The following LINGO2 variants were observed in gnomAD, a reference collection of about 807,000 sequenced individuals.
LINGO2 encodes the protein leucine-rich repeat and immunoglobulin-like domain-containing nogo receptor-interacting protein 2.
In LINGO2, 14 loss-of-function variants were observed where a neutral mutation model predicts 30.6. That is an observed-to-expected ratio of 0.46 (90% CI 0.30 to 0.72). LINGO2 has a LOEUF of 0.72. Among genes scored for constraint, LINGO2 ranks in the 30% least tolerant of loss-of-function variants. LINGO2 has a pLI of 0.07. For missense variants in LINGO2, 729 were observed against 751.7 expected (o/e 0.97, Z 0.35); for synonymous variants, 317 against 288.5 (o/e 1.10, Z -1.00).
At chr9:28,051,495 TC>T (rs201643631) in intron 4 of LINGO2, among the ~76,000 whole-genome samples, 4,685 of 152,140 alleles carry the variant, frequency 0.031, 117 homozygotes, top group Admixed American at 0.079. Flanking sequence ...CATATATTTA[TC>T]CAAAAAATTT....
At chr9:28,550,367 T>C (rs909123763) in intron 1 of LINGO2, among the ~76,000 whole-genome samples, 3 of 151,896 alleles carry the variant, frequency 2.0e-5, no homozygotes, top group African/African-American at 7.2e-5. Context: ...AAAGTACTGA[T>C]TCTTTCTTCA....
intron 5 of LINGO2, among the ~76,000 whole-genome samples, chr9:27,992,300 T>C (rs1368542357): frequency 6.6e-6 from 1 of 152,104 alleles, no homozygotes; most frequent in Non-Finnish European, 1.5e-5. Flanking sequence ...ACATGCAAAA[T>C]AATTGAAAAC....
intron 2 of LINGO2, among the ~76,000 whole-genome samples, chr9:28,473,616 G>T (rs913840571): frequency 1.3e-5 from 2 of 152,024 alleles, no homozygotes; most frequent in Non-Finnish European, 2.9e-5. Context: ...TGTAGATGTA[G>T]AGGCACTGAT....
intron 4 of LINGO2, among the ~76,000 whole-genome samples, chr9:28,042,445 T>C (rs926356412): frequency 6.6e-6 from 1 of 152,216 alleles, no homozygotes; most frequent in Non-Finnish European, 1.5e-5. Context: ...GGATGAGCTA[T>C]GTCTTTGACT....
chr9:28,570,195 T>A (rs1334944068), intron 1 of LINGO2, among the ~76,000 whole-genome samples: 1 of 151,932 alleles, frequency 6.6e-6, no homozygotes, highest in African/African-American at 2.4e-5. Context: ...AGATACAATG[T>A]CATATAATAA....
At chr9:29,147,444 C>T in the LINGO2 span, among the ~76,000 whole-genome samples, 2 of 152,100 alleles carry the variant, frequency 1.3e-5, no homozygotes, top group African/African-American at 4.8e-5. Context: ...AAAGCATTCT[C>T]CTTTTGTTTC....
chr9:29,039,228 T>C, the LINGO2 span, among the ~76,000 whole-genome samples: 3 of 152,156 alleles, frequency 2.0e-5, no homozygotes, highest in African/African-American at 7.2e-5. Context: ...TGAGAATACA[T>C]TTCCTAGAGA....
the LINGO2 span, chr9:27,940,216 T>C: frequency 4.6e-5 from 7 of 152,316 alleles, 2 homozygotes. Flanking sequence ...GCCATTAATA[T>C]ACATATACTA....
the LINGO2 span, among the ~76,000 whole-genome samples, chr9:28,773,079 C>T: frequency 2.0e-5 from 3 of 152,066 alleles, no homozygotes; most frequent in African/African-American, 7.2e-5. Flanking sequence ...AAGTGACCTA[C>T]ATACGGCCGG....
the LINGO2 span, among the ~76,000 whole-genome samples, chr9:29,188,055 G>A: frequency 3.5e-4 from 33 of 94,414 alleles, no homozygotes; most frequent in Middle Eastern, 7.7e-3. Context: ...ATTCTTGGGT[G>A]TTTCTCGCAG....
intron 4 of LINGO2, among the ~76,000 whole-genome samples, chr9:28,034,911 T>G (rs959540333): frequency 2.0e-5 from 3 of 152,234 alleles, no homozygotes; most frequent in African/African-American, 7.2e-5. Context: ...TAATAAAGTG[T>G]GAGTTGCAGA....
intron 1 of LINGO2, among the ~76,000 whole-genome samples, chr9:28,592,061 A>G (rs908736407): frequency 6.6e-6 from 1 of 152,060 alleles, no homozygotes; most frequent in African/African-American, 2.4e-5. Flanking sequence ...TCATGGTGTG[A>G]CTTAGGGTTA....
the LINGO2 span, among the ~76,000 whole-genome samples, chr9:28,922,525 C>T: frequency 0.032 from 4,836 of 152,178 alleles, 161 homozygotes; most frequent in South Asian, 0.15. Context: ...AATTAAACTG[C>T]GTAATAACCT....
chr9:28,689,480 A>AG, the LINGO2 span, among the ~76,000 whole-genome samples: 1 of 152,182 alleles, frequency 6.6e-6, no homozygotes, highest in Admixed American at 6.5e-5. Context: ...TAATCATTAG[A>AG]GAAATGCAAA....
At chr9:28,566,675 TG>T (rs1320024651) in intron 1 of LINGO2, among the ~76,000 whole-genome samples, 1 of 152,172 alleles carries the variant, frequency 6.6e-6, no homozygotes, top group African/African-American at 2.4e-5. Flanking sequence ...CATTTCAACC[TG>T]GCTGATTGGC....
intron 1 of LINGO2, among the ~76,000 whole-genome samples, chr9:28,558,750 T>C (rs1303499272): frequency 1.3e-5 from 2 of 152,084 alleles, no homozygotes; most frequent in African/African-American, 4.8e-5. Context: ...AGAAAAAAGC[T>C]GAATCTTACT....
chr9:28,342,688 G>T (rs1298284771), intron 3 of LINGO2, among the ~76,000 whole-genome samples: 1 of 152,006 alleles, frequency 6.6e-6, no homozygotes, highest in Non-Finnish European at 1.5e-5. Context: ...TGGGGAGGAG[G>T]ACTGAAACTA....
At chr9:28,071,496 T>C (rs960258620) in intron 4 of LINGO2, among the ~76,000 whole-genome samples, 1 of 152,040 alleles carries the variant, frequency 6.6e-6, no homozygotes, top group Non-Finnish European at 1.5e-5. Context: ...TAAATTTCTC[T>C]AGTCCTTACC....
chr9:28,599,729 AG>A (rs1363219949), intron 1 of LINGO2, among the ~76,000 whole-genome samples: 1 of 152,198 alleles, frequency 6.6e-6, no homozygotes, highest in Non-Finnish European at 1.5e-5. Flanking sequence ...TAGTCTAAAA[AG>A]CACTTGCTTT....
Sources: allele counts gnomAD v4.1 joint callset (sites outside exome capture counted in the v4.1 genomes callset), GRCh38; gene constraint gnomAD v4.1.1; transcripts MANE v1.5; gene names NCBI Gene and HGNC (gene_info 2026-07-23, HGNC 2026-07-21).